PTBP3: variants seen among roughly 807,000 people sequenced by gnomAD.
PTBP3 encodes polypyrimidine tract-binding protein 3.
A neutral mutation model predicts 58.7 loss-of-function variants in PTBP3; 20 were observed. That is an observed-to-expected ratio of 0.34 (90% confidence interval 0.24 to 0.50). The LOEUF is 0.50. Ranked by LOEUF, PTBP3 falls within the 20% of genes least tolerant of loss-of-function variation. The pLI is 0.98. For missense variants in PTBP3, 509 were observed against 637.2 expected (o/e 0.80, Z 2.17); for synonymous variants, 185 against 219.8 (o/e 0.84, Z 1.40).
intron 1 of PTBP3, among the ~76,000 whole-genome samples, chr9:112,310,618 C>T (rs1829434788): frequency 2.0e-5 from 3 of 152,180 alleles, no homozygotes; most frequent in African/African-American, 4.8e-5. Flanking sequence ...CTTAATGGAG[C>T]TTACAATCTT....
intron 7 of PTBP3, among the ~76,000 whole-genome samples, chr9:112,238,819 T>A (rs1222357179): frequency 6.6e-6 from 1 of 151,916 alleles, no homozygotes; most frequent in African/African-American, 2.4e-5. Context: ...CAAAAATAAC[T>A]CTTAAAATTG....
chr9:112,364,619 C>A, the PTBP3 span, among the ~76,000 whole-genome samples: 1 of 152,050 alleles, frequency 6.6e-6, no homozygotes, highest in African/African-American at 2.4e-5. Context: ...TGCAACAGGG[C>A]AAGACCCTGT....
At chr9:112,260,928 G>C (rs539129032) in intron 5 of PTBP3, among the ~76,000 whole-genome samples, 1 of 152,204 alleles carries the variant, frequency 6.6e-6, no homozygotes, top group African/African-American at 2.4e-5. Flanking sequence ...TTGTTACTGT[G>C]GTTAGGGAGA....
At chr9:112,331,082 A>AACACACACAC (rs10660591) in intron 1 of PTBP3, among the ~76,000 whole-genome samples, 2,515 of 139,464 alleles carry the variant, frequency 0.018, 41 homozygotes, top group Middle Eastern at 0.022. Context: ...GGAGGAAACG[A>AACACACACAC]ACACACACAC....
chr9:112,349,841 G>A, the PTBP3 span, among the ~76,000 whole-genome samples: 3 of 127,850 alleles, frequency 2.3e-5, no homozygotes, highest in Non-Finnish European at 4.7e-5. Flanking sequence ...TCCAGCCTGG[G>A]TGACAGAGTG....
intron 1 of PTBP3, among the ~76,000 whole-genome samples, chr9:112,312,488 G>GTGT: frequency 1.3e-5 from 1 of 75,928 alleles, no homozygotes; most frequent in South Asian, 5.2e-4. Flanking sequence ...TTTTTTTTTT[G>GTGT]TTTTTTTTTT....
intron 1 of PTBP3, among the ~76,000 whole-genome samples, chr9:112,320,314 A>ATATATATATATATATATATATATATT: frequency 5.3e-5 from 4 of 75,694 alleles, no homozygotes; most frequent in Admixed American, 3.3e-4. Flanking sequence ...ATATATATAT[A>ATATATATATATATATATATATATATT]TTTTTTTTTA....
intron 7 of PTBP3, 24 bp downstream of exon 7, chr9:112,250,905 G>C: frequency 6.8e-7 from 1 of 1,475,274 alleles, no homozygotes; most frequent in Non-Finnish European, 9.0e-7. Flanking sequence ...AACTTGCTTT[G>C]TGACCCAAAA....
chr9:112,316,285 C>G (rs572765253), intron 1 of PTBP3, among the ~76,000 whole-genome samples: 1 of 152,154 alleles, frequency 6.6e-6, no homozygotes, highest in Non-Finnish European at 1.5e-5. Context: ...GCAAAAATGA[C>G]GGAATGCCAC....
chr9:112,273,548 G>T (rs1438247042), intron 3 of PTBP3, among the ~76,000 whole-genome samples: 2 of 152,164 alleles, frequency 1.3e-5, no homozygotes, highest in Non-Finnish European at 2.9e-5. Context: ...AATATATCTG[G>T]AATATGATTC....
the PTBP3 span, among the ~76,000 whole-genome samples, chr9:112,368,168 TA>T: frequency 6.6e-6 from 1 of 152,022 alleles, no homozygotes; most frequent in Admixed American, 6.6e-5. Context: ...CTAATTTTTG[TA>T]TTTGTATTTT....
At chr9:112,334,000 G>T (rs1263571942), upstream of PTBP3, among the ~76,000 whole-genome samples, 1 of 150,790 alleles carries the variant, frequency 6.6e-6, no homozygotes, top group East Asian at 2.0e-4. Context: ...AGGTTTGAAT[G>T]CCTCCCTCTG....
intron 4 of PTBP3, among the ~76,000 whole-genome samples, chr9:112,265,252 T>C (rs1170673706): frequency 6.6e-6 from 1 of 151,930 alleles, no homozygotes; most frequent in Non-Finnish European, 1.5e-5. Context: ...CCCATAATCC[T>C]AGCACTTTGG....
chr9:112,324,556 A>T (rs1469979726), intron 1 of PTBP3, among the ~76,000 whole-genome samples: 2 of 152,152 alleles, frequency 1.3e-5, no homozygotes, highest in African/African-American at 4.8e-5. Context: ...TGCCTGAGGC[A>T]CGAGAATCGC....
the PTBP3 span, among the ~76,000 whole-genome samples, chr9:112,352,391 C>T: frequency 6.6e-6 from 1 of 152,184 alleles, no homozygotes; most frequent in East Asian, 1.9e-4. Context: ...TTACTCTGCT[C>T]AGTTTACTTT....
the PTBP3 span, among the ~76,000 whole-genome samples, chr9:112,376,851 C>T: frequency 6.6e-6 from 1 of 152,188 alleles, no homozygotes; most frequent in African/African-American, 2.4e-5. Flanking sequence ...TGGCAATACC[C>T]TCACAGATAC....
chr9:112,298,101 C>A (rs1285528818), intron 1 of PTBP3, among the ~76,000 whole-genome samples, 185 bp from the exon 2 acceptor site: 1 of 152,198 alleles, frequency 6.6e-6, no homozygotes, highest in Non-Finnish European at 1.5e-5. Context: ...AAATCCACAA[C>A]TATATAAACA....
chr9:112,356,196 C>T, the PTBP3 span, among the ~76,000 whole-genome samples: 1 of 152,100 alleles, frequency 6.6e-6, no homozygotes, highest in Non-Finnish European at 1.5e-5. Context: ...CCAGGCCAGT[C>T]TAGAACTCCT....
chr9:112,375,488 G>A, the PTBP3 span, among the ~76,000 whole-genome samples: 7 of 152,132 alleles, frequency 4.6e-5, no homozygotes, highest in Admixed American at 1.3e-4. Flanking sequence ...TGATGCCTGC[G>A]TATCATGCAA....
Sources: allele counts gnomAD v4.1 joint callset (sites outside exome capture counted in the v4.1 genomes callset), GRCh38; gene constraint gnomAD v4.1.1; transcripts MANE v1.5; gene names NCBI Gene and HGNC (gene_info 2026-07-23, HGNC 2026-07-21).